Variants in MYT1L observed in about 807,000 individuals in gnomAD.
MYT1L encodes the protein myelin transcription factor 1-like protein.
Under a neutral mutation model 126.7 loss-of-function variants are expected in MYT1L, and 12 were observed. The ratio of observed to expected loss-of-function variants is 0.09; its 90% CI spans 0.06 to 0.15. The LOEUF (loss-of-function observed/expected upper bound fraction) is 0.15. MYT1L is among the 10% of genes least tolerant of loss of function. The pLI is 1.00. For synonymous variants in MYT1L, 541 were observed against 604.2 expected, an observed-to-expected ratio of 0.90 and a Z score of 1.53; for missense variants, 979 against 1,585.2, an observed-to-expected ratio of 0.62 and a Z score of 6.49.
chr2:2,055,196 G>A (rs1389817978), intron 3 of MYT1L, among the ~76,000 whole-genome samples: 1 of 152,034 alleles, frequency 6.6e-6, no homozygotes, highest in Admixed American at 6.5e-5. Context: ...ACTACAAAAT[G>A]TGTAGAAACA....
chr2:2,307,724 A>T (rs1437635287), intron 1 of MYT1L, among the ~76,000 whole-genome samples: 2 of 151,318 alleles, frequency 1.3e-5, no homozygotes, highest in Non-Finnish European at 2.9e-5. Flanking sequence ...AGTACATTCT[A>T]TCTATACCTT....
chr2:2,067,008 T>C (rs1363199685), intron 3 of MYT1L, among the ~76,000 whole-genome samples: 1 of 152,230 alleles, frequency 6.6e-6, no homozygotes, highest in Admixed American at 6.5e-5. Flanking sequence ...AAACTTAATA[T>C]GGTAACGGTC....
At chr2:2,105,595 G>A (rs1054755990) in intron 3 of MYT1L, among the ~76,000 whole-genome samples, 5 of 152,130 alleles carry the variant, frequency 3.3e-5, no homozygotes, top group Admixed American at 2.6e-4. Context: ...TATCAGTGGG[G>A]CTGGGTTACT....
rs530360571 is a variant in MYT1L, at chr2:1,858,834, T to C, written c.2712-7131A>G. Among the ~76,000 whole-genome samples, 8 of 152,368 alleles carry C rather than the reference T, an allele frequency of 5.3e-5. No homozygotes were observed. In the South Asian group the frequency reaches 1.4e-3, roughly 28 times the overall value. On this transcript the variant is annotated intron_variant, in intron 18 of 24. Coordinates refer to ENST00000647738, the MANE Select transcript of MYT1L (RefSeq NM_001303052.2). Reference sequence around the variant, plus strand: ...TGCAAGATCCCGCATGGGGCGTTGATATTTTCCAAGCCACCTTTTGCTACC... The same window carrying C: ...TGCAAGATCCCGCATGGGGCGTTGACATTTTCCAAGCCACCTTTTGCTACC...
chr2:2,256,933 G>A (rs916055059), intron 2 of MYT1L, among the ~76,000 whole-genome samples: 10 of 152,180 alleles, frequency 6.6e-5, no homozygotes, highest in African/African-American at 2.4e-4. Context: ...AGACACACAG[G>A]CACTTATAAA....
intron 2 of MYT1L, among the ~76,000 whole-genome samples, chr2:2,192,975 T>C (rs1232239919): frequency 6.6e-6 from 1 of 152,142 alleles, no homozygotes; most frequent in East Asian, 1.9e-4. Context: ...TTTTGTTTTT[T>C]TTCTTAAGAC....
chr2:2,201,401 T>C (rs1351096740), intron 2 of MYT1L, among the ~76,000 whole-genome samples: 2 of 152,126 alleles, frequency 1.3e-5, no homozygotes, highest in Non-Finnish European at 2.9e-5. Context: ...TTAGGTTCTT[T>C]AAAAATCATA....
rs1435260233 is a variant in MYT1L, at chr2:1,831,014, TC to T, written c.3080+8134del. Among the ~76,000 whole-genome samples, 7 of 152,270 alleles carry T rather than the reference TC, an allele frequency of 4.6e-5. No individual in the cohort carries two copies. In the East Asian group the frequency reaches 1.2e-3, roughly 25 times the overall value. On this transcript the variant is annotated intron_variant, in intron 21 of 24. Coordinates refer to ENST00000647738, the MANE Select transcript of MYT1L (RefSeq NM_001303052.2). ...TTGGGGACAAAAGTGTGCCCTTCCC[TC>T]CAGTGGCCAACACGTGGTCTCCAAT...
At chr2:1,816,686 G>A (rs183821902) in intron 21 of MYT1L, 57 of 152,886 alleles carry the variant, frequency 3.7e-4, no homozygotes, top group African/African-American at 1.3e-3. Flanking sequence ...CTTGACTTCA[G>A]GGAAACCCCG....
At chr2:2,217,860 G>A (rs913244833) in intron 2 of MYT1L, among the ~76,000 whole-genome samples, 4 of 152,026 alleles carry the variant, frequency 2.6e-5, no homozygotes, top group Admixed American at 6.6e-5. Flanking sequence ...AAGAGCTCTC[G>A]AAACTTAATG....
In MYT1L at chr2:2,097,194, C is replaced by T. The variant is rs577108876; in HGVS notation, c.-303-43071G>A. ...CCGTGGGACTCCCAGGTGACCGAGG[C>T]GCTGCAGCAGGAACTCCCTCTGCTT... On this transcript the variant is annotated intron_variant, in intron 3 of 24. Transcript: ENST00000647738. Among the ~76,000 whole-genome samples the T allele has an allele frequency of 4.0e-4, 61 of 152,270 alleles. 1 individual carries two copies. The highest frequency in any genetic ancestry group is 6.8e-3 in the Middle Eastern group (2 of 294).
chr2:2,168,468 C>T (rs957725610), intron 3 of MYT1L, among the ~76,000 whole-genome samples: 1 of 152,172 alleles, frequency 6.6e-6, no homozygotes, highest in South Asian at 2.1e-4. Context: ...CAGGTCCTTG[C>T]ACATCAGCTG....
chr2:1,909,754 T>C (rs550648825), intron 13 of MYT1L, among the ~76,000 whole-genome samples: 118 of 152,234 alleles, frequency 7.8e-4, no homozygotes, highest in African/African-American at 2.7e-3. Flanking sequence ...CCTCAGGGCA[T>C]TGGGCGTAAC....
intron 14 of MYT1L, among the ~76,000 whole-genome samples, chr2:1,894,519 A>G (rs1308818848): frequency 6.6e-6 from 1 of 152,230 alleles, no homozygotes; most frequent in Non-Finnish European, 1.5e-5. Flanking sequence ...AAATAGTAGA[A>G]TAATTGTAGG....
chr2:2,179,712 C>T (rs564750818), intron 2 of MYT1L, among the ~76,000 whole-genome samples: 1 of 152,288 alleles, frequency 6.6e-6, no homozygotes, highest in South Asian at 2.1e-4. Context: ...TAGCCTGGTT[C>T]CTAGGTCTCC....
At chr2:2,053,236 G>T (rs1403862503) in intron 4 of MYT1L, among the ~76,000 whole-genome samples, 1 of 152,188 alleles carries the variant, frequency 6.6e-6, no homozygotes, top group Non-Finnish European at 1.5e-5. Flanking sequence ...AAAGCAGAAT[G>T]CTGGGACCCA....
chr2:1,873,614 G>A (rs1301415730), intron 18 of MYT1L, among the ~76,000 whole-genome samples: 1 of 152,196 alleles, frequency 6.6e-6, no homozygotes, highest in South Asian at 2.1e-4. Context: ...GATTTGTTCA[G>A]CATCTGGCAG....
intron 2 of MYT1L, among the ~76,000 whole-genome samples, chr2:2,198,280 C>T (rs1486182620): frequency 1.3e-5 from 2 of 151,980 alleles, no homozygotes; most frequent in Admixed American, 1.3e-4. Context: ...GGGGTATGGG[C>T]CCCAGGAGTG....
At chr2:2,296,677 A>G (rs1019309811) in intron 1 of MYT1L, among the ~76,000 whole-genome samples, 4 of 152,136 alleles carry the variant, frequency 2.6e-5, no homozygotes, top group African/African-American at 9.7e-5. Context: ...CGGTGGGGAC[A>G]CAGAAAGGAG....
Sources: gnomAD v4.1 joint callset for allele counts (sites outside exome capture counted in the v4.1 genomes callset) on GRCh38, gnomAD v4.1.1 for gene constraint, MANE v1.5 for transcripts, NCBI Gene and HGNC (gene_info 2026-07-23, HGNC 2026-07-21) for gene names.